SLC27A4: variants seen among roughly 807,000 people sequenced by gnomAD.
SLC27A4 encodes the protein long-chain fatty acid transport protein 4.
SLC27A4 carries 33 observed loss-of-function variants against 64.4 expected under a neutral mutation model. The ratio of observed to expected loss-of-function variants is 0.51; its 90% confidence interval spans 0.39 to 0.68. The LOEUF (loss-of-function observed/expected upper bound fraction) is 0.68, where lower values mean the gene tolerates loss of function less well. Among genes scored for constraint, SLC27A4 ranks in the 30% least tolerant of loss-of-function variants. The pLI is 0.00. For missense variants in SLC27A4, 824 were observed against 883.5 expected, an observed-to-expected ratio of 0.93 and a Z score of 0.85; for synonymous variants, 377 against 370.0, an observed-to-expected ratio of 1.02 and a Z score of -0.22.
At chr9:128,344,362 C>G (rs559281495) in intron 2 of SLC27A4, among the ~76,000 whole-genome samples, 1 of 152,096 alleles carries the variant, frequency 6.6e-6, no homozygotes, top group East Asian at 1.9e-4. Flanking sequence ...TACCAAAATA[C>G]AAAAAAGTTA....
Position 128,355,706 on chromosome 9 carries a change from C to T in SLC27A4, c.1684C>T (p.Leu562=), listed in dbSNP as rs760618552. ...AVASPTGNCD[L]ERFAQVLEKE... ...GGCCAGCCCCACTGGCAACTGTGACCTGGAGCGCTTTGCTCAGGTCTTGGA... is the reference window on the plus strand; with the variant it reads ...GGCCAGCCCCACTGGCAACTGTGACTTGGAGCGCTTTGCTCAGGTCTTGGA... The change falls in exon 12 of 13, where the codon CTG becomes TTG. Residue 562 remains leucine (L), a synonymous_variant. Transcript: ENST00000300456. 3.7e-6 allele frequency: 6 copies of T among 1,613,222 alleles called. No individual in the cohort carries two copies. Among genetic ancestry groups the T allele is most frequent in the Non-Finnish European group, 4.2e-6 (5 of 1,180,038 alleles).
At chr9:128,355,917 A>C (rs1588565690) in intron 12 of SLC27A4, 121 bp downstream of exon 12, 1 of 1,328,758 alleles carries the variant, frequency 7.5e-7, no homozygotes. Context: ...TGGTAAAGTG[A>C]CCTGCCTGTG....
chr9:128,354,009 C>G (rs1362782920), intron 9 of SLC27A4, among the ~76,000 whole-genome samples: 1 of 151,626 alleles, frequency 6.6e-6, no homozygotes, highest in African/African-American at 2.4e-5. Context: ...TCCCAAAGTG[C>G]TGGGATTACA....
In SLC27A4 at chr9:128,360,699, C is replaced by T. The variant is rs1036696656; in HGVS notation, c.*208C>T. The T allele has an allele frequency of 5.2e-5, 31 of 591,042 alleles. No homozygotes were observed. Among genetic ancestry groups the T allele is most frequent in the Admixed American group, 5.9e-5 (2 of 33,976 alleles). 36.6% of individuals were successfully genotyped at this position (591,042 alleles called of 1,614,324 possible). A position where few individuals can be genotyped will look rare whatever the true frequency, so the allele number is the denominator to read the frequency against. The stretch of plus-strand genomic sequence containing the variant: ...CTGTGAAAGTCTCATGTCCAAGTTC[C>T]GTCTTCTGGGCTGGGCAGGCCCTCT... On this transcript the variant is annotated 3_prime_UTR_variant, in exon 13 of 13. Coordinates refer to ENST00000300456, the MANE Select transcript of SLC27A4 (RefSeq NM_005094.4).
rs761732097 is a variant in SLC27A4, at chr9:128,345,222, C to T, written c.229C>T (p.Pro77Ser). 2.5e-6 allele frequency: 4 copies of T among 1,613,744 alleles called. No individual in the cohort carries two copies. The highest frequency in any genetic ancestry group is 3.4e-6 in the Non-Finnish European group (4 of 1,180,000). ...GTGCCTGCAGGAGCGGCGGACAGTGCCCATTTTGTTTGCCTCTACCGTTCG... is the reference window on the plus strand; with the variant it reads ...GTGCCTGCAGGAGCGGCGGACAGTGTCCATTTTGTTTGCCTCTACCGTTCG... ...RQCLQERRTV[P>S]ILFASTVRRH... The change falls in exon 3 of 13, where the codon CCC becomes TCC. Residue 77 changes from proline (P) to serine (S), a missense_variant. Coordinates refer to ENST00000300456, the MANE Select transcript of SLC27A4 (RefSeq NM_005094.4). This position sits in a 1 kb window ranked among gnomAD's most constrained non-coding sequence, Gnocchi z 4.1.
At chr9:128,342,077 C>T (rs915759555) in intron 1 of SLC27A4, 4 of 656,546 alleles carry the variant, frequency 6.1e-6, no homozygotes, top group South Asian at 1.7e-5. Context: ...CCAGGCCATC[C>T]GGTTTTAGGG....
In SLC27A4 at chr9:128,348,650, T is replaced by C. The variant is rs934737699; in HGVS notation, c.662T>C (p.Leu221Pro). 2.5e-6 allele frequency: 4 copies of C among 1,613,974 alleles called. No individual in the cohort carries two copies. The African/African-American group carries it at 4.0e-5, about 16-fold the overall frequency. The change falls in exon 4 of 13, where the codon CTG becomes CCG. Residue 221 changes from leucine (L) to proline (P), a missense_variant. Transcript: ENST00000300456. ...CCAAGCACAGAACACCTGGACCCTC[T>C]GCTGAAAGATGCTCCCAAGCACCTT... ...VPPSTEHLDPLLKDAPKHLPS... is the reference protein window; with the variant it reads ...VPPSTEHLDPPLKDAPKHLPS...
intron 12 of SLC27A4, 90 bp from the exon 13 acceptor site, chr9:128,360,244 C>A: frequency 7.0e-7 from 1 of 1,437,014 alleles, no homozygotes; most frequent in Non-Finnish European, 9.8e-7. Flanking sequence ...GTCCTCCAGC[C>A]CTGCTCCCTG....
intron 9 of SLC27A4, among the ~76,000 whole-genome samples, chr9:128,354,511 G>A (rs1247154338): frequency 6.6e-6 from 1 of 152,134 alleles, no homozygotes; most frequent in African/African-American, 2.4e-5. Flanking sequence ...TGTCCCCAAG[G>A]AGCCTGACTT....
At chr9:128,351,607 C>G (rs995160235) in intron 6 of SLC27A4, among the ~76,000 whole-genome samples, 2 of 151,386 alleles carry the variant, frequency 1.3e-5, no homozygotes, top group East Asian at 3.9e-4. Context: ...ATCCCAGCTA[C>G]CCAGGAGGCT....
At chr9:128,342,250 A>G in intron 1 of SLC27A4, 2 of 1,610,656 alleles carry the variant, frequency 1.2e-6, no homozygotes, top group African/African-American at 1.3e-5. Flanking sequence ...CAAACCCGAT[A>G]TGGCTGAGAT....
At chr9:128,356,448 G>A (rs780003592) in intron 12 of SLC27A4, among the ~76,000 whole-genome samples, 1 of 152,260 alleles carries the variant, frequency 6.6e-6, no homozygotes, top group Non-Finnish European at 1.5e-5. Flanking sequence ...GAAGCCCAGG[G>A]CCTTGCAGGC....
Position 128,353,421 on chromosome 9 carries a change from G to A in SLC27A4, c.1204G>A (p.Ala402Thr). ...SLGNFDSQVG[A>T]CGFNSRILSF... The stretch of plus-strand genomic sequence containing the variant: ...CAAGTCTTGGCCTTCGCAGGTGGGG[G>A]CCTGTGGTTTCAATAGCCGCATCCT... Residue 402 changes from alanine to threonine, a missense_variant, in exon 9 of 13, where the codon GCC (alanine) becomes ACC (threonine). Ala to Thr is a moderately conservative substitution (Grantham distance 58, BLOSUM62 0). Transcript: ENST00000300456. This position sits in a 1 kb window ranked among gnomAD's most constrained non-coding sequence, Gnocchi z 4.9. 1 of 1,614,178 alleles carries A rather than the reference G, an allele frequency of 6.2e-7. No homozygotes were observed. Among genetic ancestry groups the A allele is most frequent in the South Asian group, 1.1e-5 (1 of 91,086 alleles).
intron 3 of SLC27A4, among the ~76,000 whole-genome samples, chr9:128,346,262 C>G (rs1230312633): frequency 2.0e-5 from 3 of 150,674 alleles, no homozygotes; most frequent in Middle Eastern, 3.3e-3. Flanking sequence ...GAGATAGAGT[C>G]TTGCTCTGTC....
intron 2 of SLC27A4, 59 bp downstream of exon 2, chr9:128,343,352 C>G (rs773583464): frequency 1.2e-4 from 189 of 1,594,116 alleles, no homozygotes; most frequent in Non-Finnish European, 1.5e-4. Flanking sequence ...CTTCTGGTCC[C>G]CCAAATCTCC....
At chr9:128,358,576 T>C (rs1266616522) in intron 12 of SLC27A4, among the ~76,000 whole-genome samples, 1 of 152,232 alleles carries the variant, frequency 6.6e-6, no homozygotes, top group Non-Finnish European at 1.5e-5. Flanking sequence ...CCCCAGTAGC[T>C]GGGATTACAG....
rs1832639989 is a variant in SLC27A4 at position 128,345,383 on chromosome 9, C to T, written c.390C>T (p.Ala130=). 1 of 1,613,784 alleles carries T rather than the reference C, an allele frequency of 6.2e-7. No homozygotes were observed. Among genetic ancestry groups the T allele is most frequent in the Admixed American group, 1.7e-5 (1 of 60,018 alleles). ...ARGLASGDVA[A]IFMENRNEFV... ...GCCTGGCCTCGGGCGATGTGGCTGC[C>T]ATCTTCATGGAGAACCGCAATGAGT... Residue 130 remains alanine, a synonymous_variant, in exon 3 of 13, where the codon GCC becomes GCT. Coordinates refer to ENST00000300456, the MANE Select transcript of SLC27A4 (RefSeq NM_005094.4). The surrounding 1 kb of genome is among the most constrained non-coding windows in gnomAD (Gnocchi z 4.1).
chr9:128,352,526 A>G (rs927005365), intron 6 of SLC27A4, 112 bp from the exon 7 acceptor site: 1 of 847,954 alleles, frequency 1.2e-6, no homozygotes, highest in Middle Eastern at 2.2e-4. Context: ...TGTGAGGTGC[A>G]GAAGCCTGCA....
intron 6 of SLC27A4, among the ~76,000 whole-genome samples, 166 bp downstream of exon 6, chr9:128,350,741 A>G (rs1832723512): frequency 6.6e-6 from 1 of 152,226 alleles, no homozygotes; most frequent in South Asian, 2.1e-4. Flanking sequence ...GGATCACTTG[A>G]GGCCAGGAGT....
Sources: allele counts gnomAD v4.1 joint callset (sites outside exome capture counted in the v4.1 genomes callset), GRCh38; gene constraint gnomAD v4.1.1; non-coding constraint Gnocchi (gnomAD v3.1); transcripts MANE v1.5; gene names NCBI Gene and HGNC (gene_info 2026-07-23, HGNC 2026-07-21).